SLC12A7: variants seen among roughly 807,000 people sequenced by gnomAD.
SLC12A7 encodes the protein K-Cl cotransporter 4.
In SLC12A7, 100 loss-of-function variants were observed where a neutral mutation model predicts 120.6. That is an observed-to-expected ratio of 0.83 (90% CI 0.71 to 0.98). The LOEUF is 0.98. Among genes scored for constraint, SLC12A7 ranks in the 50% least tolerant of loss-of-function variants. SLC12A7 has a pLI of 0.00. For synonymous variants in SLC12A7, 760 were observed against 678.0 expected (o/e 1.12, Z -1.88); for missense variants, 1,373 against 1,548.1 (o/e 0.89, Z 1.90).
At chr5:1,146,738 T>C in the SLC12A7 span, among the ~76,000 whole-genome samples, 2 of 152,224 alleles carry the variant, frequency 1.3e-5, no homozygotes, top group African/African-American at 4.8e-5. This position sits in a 1 kb window ranked among gnomAD's most constrained non-coding sequence, Gnocchi z 6.5. Flanking sequence ...TGATGAAACC[T>C]TGGCCTCCAC....
chr5:1,065,021 C>T (rs1273366110), intron 18 of SLC12A7, among the ~76,000 whole-genome samples: 4 of 62,794 alleles, frequency 6.4e-5, no homozygotes, highest in Admixed American at 2.4e-4. Context: ...TGAGGGGACA[C>T]GGGACAGTGA....
intron 18 of SLC12A7, among the ~76,000 whole-genome samples, 156 bp from the exon 19 acceptor site, chr5:1,064,408 G>C (rs934970097): frequency 6.6e-6 from 1 of 152,252 alleles, no homozygotes; most frequent in African/African-American, 2.4e-5. Flanking sequence ...CCAAGGACCA[G>C]CCAGAGACTC....
chr5:1,073,759 G>C lies in SLC12A7; in HGVS notation c.2115C>G (p.Ala705=). The change falls in exon 17 of 24, where the codon GCC becomes GCG. Residue 705 remains alanine (A), a synonymous_variant. Coordinates refer to ENST00000264930, the MANE Select transcript of SLC12A7 (RefSeq NM_006598.3). ...AGGACAGCAGGCGGGGGTGCTTCACGGCCTGCTCCGCGTCCAGGTTCAGCA... is the reference window on the plus strand; with the variant it reads ...AGGACAGCAGGCGGGGGTGCTTCACCGCCTGCTCCGCGTCCAGGTTCAGCA... ...LVMLNLDAEQ[A]VKHPRLLSFT... The C allele has an allele frequency of 1.3e-6, 2 of 1,523,152 alleles. No individual in the cohort carries two copies. The highest frequency in any genetic ancestry group is 2.5e-5 in the South Asian group (2 of 78,720). The allele number at this position is 1,523,152 out of a possible 1,614,324, so 94.4% of individuals were successfully genotyped here.
upstream of SLC12A7, among the ~76,000 whole-genome samples, chr5:1,116,163 C>A (rs1055153065): frequency 6.6e-6 from 1 of 152,118 alleles, no homozygotes; most frequent in Non-Finnish European, 1.5e-5. Context: ...ACAGAAGACC[C>A]CAGCCACAGC....
the SLC12A7 span, among the ~76,000 whole-genome samples, chr5:1,153,609 G>T: frequency 9.2e-4 from 140 of 152,300 alleles, no homozygotes; most frequent in Non-Finnish European, 1.6e-3. Context: ...CAGCCCATGG[G>T]GAAGCCCCTG....
Position 1,075,353 on chromosome 5 carries a change from G to A in SLC12A7, c.1967+18C>T. 6.2e-7 allele frequency: 1 copy of A among 1,605,790 alleles called. No individual in the cohort carries two copies. Among genetic ancestry groups the A allele is most frequent in the Non-Finnish European group, 8.5e-7 (1 of 1,174,288 alleles). ...CCTCCCGTGCGCCGGGTCTGTAAGG[G>A]GGGCTGACAGCGCTTACCCGCGGTA... On this transcript the variant is annotated intron_variant, in intron 15 of 23. Coordinates refer to ENST00000264930, the MANE Select transcript of SLC12A7 (RefSeq NM_006598.3).
chr5:1,077,411 G>A (rs944923679), intron 12 of SLC12A7, among the ~76,000 whole-genome samples: 5 of 152,182 alleles, frequency 3.3e-5, no homozygotes, highest in East Asian at 1.9e-4. Flanking sequence ...GGACCCATGC[G>A]GGCGTCCGTG....
In SLC12A7 at chr5:1,077,733, G is replaced by A. The variant is rs546759973; in HGVS notation, c.1629+100C>T. On this transcript the variant is annotated intron_variant, in intron 12 of 23. Coordinates refer to ENST00000264930, the MANE Select transcript of SLC12A7 (RefSeq NM_006598.3). ...ATGACCACCATGGGGTCCAAGCCGC[G>A]GGCATGCGTCCCACACACGGCACTG... is the stretch of plus-strand genomic sequence containing the variant. 245 of 1,250,242 alleles carry A rather than the reference G, an allele frequency of 2.0e-4. 2 individuals carry two copies. Among genetic ancestry groups the A allele is most frequent in the African/African-American group, 1.1e-3 (70 of 64,806 alleles). 77.4% of individuals were successfully genotyped at this position (1,250,242 alleles called of 1,614,324 possible).
chr5:1,117,247 G>C, the SLC12A7 span, among the ~76,000 whole-genome samples: 4 of 152,128 alleles, frequency 2.6e-5, no homozygotes, highest in African/African-American at 9.7e-5. The surrounding 1 kb of genome is among the most constrained non-coding windows in gnomAD (Gnocchi z 4.5). Flanking sequence ...AGCCAGGGAA[G>C]GGGTTCCTAC....
intron 3 of SLC12A7, among the ~76,000 whole-genome samples, chr5:1,090,578 AGAG>A (rs1740383008): frequency 6.6e-6 from 1 of 152,186 alleles, no homozygotes; most frequent in African/African-American, 2.4e-5. Flanking sequence ...AGCCCAGGGC[AGAG>A]GTGACAGCAA....
the SLC12A7 span, among the ~76,000 whole-genome samples, chr5:1,151,717 G>A: frequency 6.6e-6 from 1 of 152,064 alleles, no homozygotes; most frequent in Non-Finnish European, 1.5e-5. The surrounding 1 kb of genome is among the most constrained non-coding windows in gnomAD (Gnocchi z 6.2). Flanking sequence ...GGGGGGCAGG[G>A]GGTGGGTGGT....
the SLC12A7 span, among the ~76,000 whole-genome samples, chr5:1,124,094 A>G: frequency 1.3e-5 from 2 of 152,230 alleles, no homozygotes; most frequent in African/African-American, 4.8e-5. Flanking sequence ...TTTGAAGGAC[A>G]GCAACCTCCA....
intron 22 of SLC12A7, among the ~76,000 whole-genome samples, chr5:1,055,063 G>C (rs1735463709): frequency 6.6e-6 from 1 of 152,190 alleles, no homozygotes; most frequent in African/African-American, 2.4e-5. Context: ...GGCTACTGGT[G>C]GAGTATGCCG....
At chr5:1,104,857 A>AC (rs1408989889) in intron 1 of SLC12A7, among the ~76,000 whole-genome samples, 16 of 152,344 alleles carry the variant, frequency 1.1e-4, no homozygotes, top group African/African-American at 3.8e-4. Flanking sequence ...ATGGGGGCCC[A>AC]CGTCACAGCC....
At chr5:1,074,957 A>T (rs1321657991) in intron 15 of SLC12A7, among the ~76,000 whole-genome samples, 2 of 146,048 alleles carry the variant, frequency 1.4e-5, no homozygotes, top group Admixed American at 1.4e-4. Context: ...ATGACAGGGA[A>T]GTGGCTGGAC....
chr5:1,084,202 C>A (rs1006800042), intron 7 of SLC12A7, among the ~76,000 whole-genome samples: 1 of 150,122 alleles, frequency 6.7e-6, no homozygotes, highest in Non-Finnish European at 1.5e-5. Context: ...GGGACCAGGC[C>A]AGGCTGCAGC....
chr5:1,080,481 C>T (rs1337475518), intron 9 of SLC12A7, among the ~76,000 whole-genome samples: 1 of 152,234 alleles, frequency 6.6e-6, no homozygotes, highest in Non-Finnish European at 1.5e-5. Flanking sequence ...TGTGGCCAGG[C>T]CCTGCAGCTG....
At chr5:1,064,334 G>A (rs1484022016) in intron 18 of SLC12A7, 82 bp from the exon 19 acceptor site, 1 of 1,493,912 alleles carries the variant, frequency 6.7e-7, no homozygotes, top group Non-Finnish European at 8.9e-7. Flanking sequence ...AGCCAGTGCA[G>A]GGGCGGGCAC....
chr5:1,061,094 A>G (rs60116306), intron 20 of SLC12A7, among the ~76,000 whole-genome samples: 21,857 of 30,494 alleles, frequency 0.72, 8,469 homozygotes, highest in Non-Finnish European at 0.87. Context: ...CGCCATGCGG[A>G]ACCCCTGCGT....
Sources: gnomAD v4.1 joint callset for allele counts (sites outside exome capture counted in the v4.1 genomes callset) on GRCh38, gnomAD v4.1.1 for gene constraint, Gnocchi (gnomAD v3.1) non-coding constraint, MANE v1.5 for transcripts, NCBI Gene and HGNC (gene_info 2026-07-23, HGNC 2026-07-21) for gene names.